Variants in TENM2 observed in about 807,000 individuals in gnomAD.
The protein encoded by TENM2 is teneurin transmembrane protein 2.
Under a neutral mutation model 245.2 loss-of-function variants are expected in TENM2, and 52 were observed. The observed-to-expected ratio is 0.21, with a 90% CI of 0.17 to 0.27. TENM2 has a LOEUF of 0.27. TENM2 is among the 10% of genes least tolerant of loss of function. The pLI, the probability that TENM2 is intolerant of heterozygous loss-of-function variation, is 1.00. For missense variants in TENM2, 3,046 were observed against 3,666.8 expected (o/e 0.83, Z 4.37); for synonymous variants, 1,363 against 1,438.9 (o/e 0.95, Z 1.19).
At chr5:167,959,190 T>C (rs1780799035) in intron 4 of TENM2, among the ~76,000 whole-genome samples, 1 of 142,548 alleles carries the variant, frequency 7.0e-6, no homozygotes, top group Non-Finnish European at 1.5e-5. Flanking sequence ...TTTTCATTCT[T>C]TTTTTTTTTT....
chr5:168,245,882 T>C (rs1766519660), intron 26 of TENM2, among the ~76,000 whole-genome samples: 1 of 149,026 alleles, frequency 6.7e-6, no homozygotes, highest in Non-Finnish European at 1.5e-5. Context: ...TTGAAGTCAT[T>C]TTTTTCCCCC....
intron 2 of TENM2, among the ~76,000 whole-genome samples, chr5:167,509,679 G>A (rs62383321): frequency 1.1e-3 from 175 of 152,248 alleles, no homozygotes; most frequent in Non-Finnish European, 1.8e-3. Context: ...TAATAAGAGC[G>A]AACATTGACT....
At position 167,499,306 on chromosome 5, in the gene TENM2, G is replaced by A. The variant is rs549576454; in HGVS notation, c.502+123833G>A. On this transcript the variant is annotated intron_variant, in intron 2 of 28. Coordinates refer to ENST00000518659, the Ensembl canonical transcript of TENM2. ...AAAACTCTGGAGAAGTTGAGCAAAG[G>A]GGAACTTAGTGGAAGGAGAGTGGGA... is the stretch of plus-strand genomic sequence containing the variant. 5.4e-4 allele frequency among the ~76,000 whole-genome samples: 82 copies of A among 152,284 alleles called. 1 individual carries two copies. The highest frequency in any genetic ancestry group is 1.9e-3 in the African/African-American group (81 of 41,566).
intron 2 of TENM2, among the ~76,000 whole-genome samples, chr5:167,622,234 A>G (rs1012697648): frequency 6.6e-5 from 10 of 152,138 alleles, no homozygotes; most frequent in Non-Finnish European, 1.3e-4. Flanking sequence ...TGAGGGAGAC[A>G]TGATGAGAAG....
chr5:167,264,721 C>T, the TENM2 span, among the ~76,000 whole-genome samples: 2 of 152,180 alleles, frequency 1.3e-5, no homozygotes, highest in African/African-American at 4.8e-5. Flanking sequence ...GTGAGAGCAG[C>T]ACTTTTGTCC....
the TENM2 span, among the ~76,000 whole-genome samples, chr5:167,001,097 C>T: frequency 6.6e-6 from 1 of 152,032 alleles, no homozygotes; most frequent in South Asian, 2.1e-4. Flanking sequence ...GTAAAAGCTA[C>T]TTAAACATTT....
chr5:168,118,306 C>G, exon 10 of TENM2: 1 of 1,595,910 alleles, frequency 6.3e-7, no homozygotes, highest in Non-Finnish European at 8.6e-7. Flanking sequence ...CTGCCCTGTC[C>G]TGTGCAGTGG....
At chr5:168,211,945 A>C (rs756218001) in intron 20 of TENM2, among the ~76,000 whole-genome samples, 191 bp downstream of exon 22, 3 of 152,226 alleles carry the variant, frequency 2.0e-5, no homozygotes, top group Non-Finnish European at 4.4e-5. Context: ...GTCAAAAAGC[A>C]ACCAAATAAG....
At chr5:167,814,991 TG>T (rs1440537620) in intron 2 of TENM2, among the ~76,000 whole-genome samples, 1 of 152,088 alleles carries the variant, frequency 6.6e-6, no homozygotes, top group East Asian at 1.9e-4. Flanking sequence ...CCTTGGTCAG[TG>T]GGGATGAGTG....
the TENM2 span, among the ~76,000 whole-genome samples, chr5:167,128,244 A>G: frequency 1.9e-4 from 29 of 152,308 alleles, no homozygotes; most frequent in South Asian, 5.6e-3. Flanking sequence ...TTAATAGATT[A>G]AAAATGACAT....
chr5:168,258,329 G>A (rs963371419), intron 27 of TENM2, among the ~76,000 whole-genome samples: 2 of 151,968 alleles, frequency 1.3e-5, no homozygotes, highest in African/African-American at 2.4e-5. Context: ...GTGAAACCCT[G>A]TCTCTACTAA....
chr5:167,912,392 A>G (rs1776619540), intron 3 of TENM2, among the ~76,000 whole-genome samples: 1 of 152,156 alleles, frequency 6.6e-6, no homozygotes, highest in Admixed American at 6.5e-5. Context: ...CCATTCATCT[A>G]TTGATGCAGA....
chr5:167,921,340 A>C (rs903132552), intron 3 of TENM2, among the ~76,000 whole-genome samples: 1 of 152,236 alleles, frequency 6.6e-6, no homozygotes, highest in African/African-American at 2.4e-5. Context: ...AATATTCTAC[A>C]GTCTCTAAAG....
At chr5:167,967,636 A>C (rs1028801232) in intron 4 of TENM2, among the ~76,000 whole-genome samples, 2 of 152,174 alleles carry the variant, frequency 1.3e-5, no homozygotes, top group Non-Finnish European at 2.9e-5. Flanking sequence ...AAAAAGAAAA[A>C]TAAAAATCCA....
chr5:167,071,032 G>C, the TENM2 span, among the ~76,000 whole-genome samples: 3 of 152,080 alleles, frequency 2.0e-5, no homozygotes, highest in Non-Finnish European at 4.4e-5. Context: ...TCTGCACACA[G>C]GTCCCAGATG....
chr5:167,171,634 CT>C, the TENM2 span, among the ~76,000 whole-genome samples: 2 of 152,132 alleles, frequency 1.3e-5, no homozygotes, highest in East Asian at 3.9e-4. Flanking sequence ...CAACCTGGAG[CT>C]ATGAAAGATT....
intron 27 of TENM2, among the ~76,000 whole-genome samples, chr5:168,255,519 TG>T (rs757152912): frequency 1.3e-5 from 2 of 152,118 alleles, no homozygotes; most frequent in Non-Finnish European, 2.9e-5. Flanking sequence ...TTGATCAAGC[TG>T]GTCTCGAACT....
intron 2 of TENM2, among the ~76,000 whole-genome samples, chr5:167,396,687 C>T (rs1762072781): frequency 6.6e-6 from 1 of 152,154 alleles, no homozygotes; most frequent in Non-Finnish European, 1.5e-5. Context: ...CCACCTGTAA[C>T]TACTCCAGGG....
At chr5:168,099,715 C>T (rs1237928291) in intron 9 of TENM2, among the ~76,000 whole-genome samples, 1 of 152,170 alleles carries the variant, frequency 6.6e-6, no homozygotes, top group Non-Finnish European at 1.5e-5. Flanking sequence ...AATACTATTT[C>T]AAATAGTCTC....
Sources: allele counts gnomAD v4.1 joint callset (sites outside exome capture counted in the v4.1 genomes callset), GRCh38; gene constraint gnomAD v4.1.1; transcripts MANE v1.5; gene names NCBI Gene and HGNC (gene_info 2026-07-23, HGNC 2026-07-21).